Variants in BMP5 observed in about 807,000 individuals in gnomAD.
The protein encoded by BMP5 is bone morphogenetic protein 5.
BMP5 carries 23 observed loss-of-function variants against 46.6 expected under a neutral mutation model. That is an observed-to-expected ratio of 0.49 (90% CI 0.35 to 0.70). BMP5 has a LOEUF of 0.70. BMP5 is among the 30% of genes least tolerant of loss of function. The pLI, the probability that BMP5 is intolerant of heterozygous loss-of-function variation, is 0.00. For synonymous variants in BMP5, 204 were observed against 191.9 expected, an observed-to-expected ratio of 1.06 and a Z score of -0.52; for missense variants, 545 against 565.6, an observed-to-expected ratio of 0.96 and a Z score of 0.37.
At chr6:55,835,952 T>G (rs1311146813) in intron 1 of BMP5, among the ~76,000 whole-genome samples, 1 of 152,220 alleles carries the variant, frequency 6.6e-6, no homozygotes. Flanking sequence ...TCTATACCAC[T>G]GTATGTTTTC....
chr6:55,849,082 G>T (rs1777160940), intron 1 of BMP5, among the ~76,000 whole-genome samples: 1 of 151,960 alleles, frequency 6.6e-6, no homozygotes, highest in Non-Finnish European at 1.5e-5. Flanking sequence ...TAGCCTCATT[G>T]CATTTTTTTC....
chr6:55,805,580 C>T (rs1775968380), intron 2 of BMP5, among the ~76,000 whole-genome samples: 1 of 152,066 alleles, frequency 6.6e-6, no homozygotes, highest in African/African-American at 2.4e-5. Flanking sequence ...GGGTATATAT[C>T]CAGTAATGGG....
intron 3 of BMP5, 38 bp from the exon 4 acceptor site, chr6:55,774,281 G>T: frequency 1.3e-6 from 2 of 1,583,322 alleles, no homozygotes; most frequent in Non-Finnish European, 1.7e-6. Context: ...TTATGAAAAA[G>T]AAAGAACAAT....
intron 3 of BMP5, among the ~76,000 whole-genome samples, chr6:55,788,952 CT>C (rs917542173): frequency 1.3e-4 from 19 of 148,742 alleles, no homozygotes; most frequent in African/African-American, 3.2e-4. Context: ...CCTCTGAAAT[CT>C]TTTTTTTTTC....
At chr6:55,851,001 GTTTTGATCTAA>G in intron 1 of BMP5, among the ~76,000 whole-genome samples, 2 of 152,112 alleles carry the variant, frequency 1.3e-5, no homozygotes, top group African/African-American at 2.4e-5. Context: ...CAAAGTTACT[GTTTTGATCTAA>G]CAGACTGAAT....
intron 1 of BMP5, among the ~76,000 whole-genome samples, chr6:55,843,372 A>T (rs939512599): frequency 6.6e-6 from 1 of 152,080 alleles, no homozygotes; most frequent in East Asian, 1.9e-4. Flanking sequence ...CTACTTTAAG[A>T]TTAAGAATAC....
chr6:55,770,589 A>G (rs570360947), intron 4 of BMP5, among the ~76,000 whole-genome samples: 1 of 152,080 alleles, frequency 6.6e-6, no homozygotes, highest in East Asian at 1.9e-4. Context: ...ATTTTCTTCA[A>G]GTACTTTTCC....
chr6:55,777,260 C>T (rs1775197944), intron 3 of BMP5, among the ~76,000 whole-genome samples: 1 of 151,580 alleles, frequency 6.6e-6, no homozygotes, highest in South Asian at 2.1e-4. Flanking sequence ...CAGACTACAC[C>T]GTATGTATTA....
chr6:55,759,798 G>A (rs1390454461), intron 5 of BMP5, among the ~76,000 whole-genome samples: 1 of 151,844 alleles, frequency 6.6e-6, no homozygotes, highest in Non-Finnish European at 1.5e-5. Context: ...TGGCACAAAT[G>A]TAGGAATTAT....
rs1330952672 is a variant in BMP5, at chr6:55,874,601, T to G, written c.265A>C (p.Thr89Pro). Residue 89 changes from threonine (T) to proline (P), a missense_variant, in exon 1 of 7, where the codon ACC (threonine) becomes CCC (proline). Thr to Pro is a conservative substitution (Grantham distance 38, BLOSUM62 -1). Transcript: ENST00000370830. ...GACTCTTCAGGATTTTCTTCATTGG[T>G]CATGGCATTGTAGAGATCCAGCATA... ...LFMLDLYNAM[T>P]NEENPEESEY... 1 of 1,613,610 alleles carries G rather than the reference T, an allele frequency of 6.2e-7. No individual in the cohort carries two copies.
At chr6:55,760,409 T>C in intron 5 of BMP5, 48 bp downstream of exon 5, 2 of 1,529,816 alleles carry the variant, frequency 1.3e-6, no homozygotes, top group Non-Finnish European at 1.8e-6. Context: ...TATTAAGGAT[T>C]TATGATAATT....
chr6:55,810,149 A>G lies in BMP5; in HGVS notation c.683+9506T>C, dbSNP rs373103387. Among the ~76,000 whole-genome samples the G allele has an allele frequency of 5.1e-4, 78 of 152,268 alleles. No individual in the cohort carries two copies. The South Asian group carries it at 0.016, about 31-fold the overall frequency. On this transcript the variant is annotated intron_variant, in intron 2 of 6. Coordinates refer to ENST00000370830, the MANE Select transcript of BMP5 (RefSeq NM_021073.4). The stretch of plus-strand genomic sequence containing the variant: ...GGGCTAGAATTTGAATTGGGTTTCA[A>G]TTCAAATTGATCAATGTTTTCAAAT...
intron 1 of BMP5, among the ~76,000 whole-genome samples, chr6:55,869,175 G>C (rs1582134504): frequency 1.3e-5 from 2 of 152,122 alleles, no homozygotes; most frequent in Non-Finnish European, 2.9e-5. Context: ...CACATACTGA[G>C]ACAACCCCCT....
intron 1 of BMP5, among the ~76,000 whole-genome samples, chr6:55,852,324 C>A (rs1410884774): frequency 6.6e-6 from 1 of 151,950 alleles, no homozygotes; most frequent in Non-Finnish European, 1.5e-5. Flanking sequence ...TCAGTTAAGA[C>A]TTTCAGATTG....
Position 55,759,011 on chromosome 6 carries a change from C to G in BMP5, c.1209G>C (p.Gln403His). 3 of 1,599,228 alleles carry G rather than the reference C, an allele frequency of 1.9e-6. No individual in the cohort carries two copies. Among genetic ancestry groups the G allele is most frequent in the Non-Finnish European group, 2.6e-6 (3 of 1,167,310 alleles). The change falls in exon 6 of 7, where the codon CAG becomes CAC. Residue 403 changes from glutamine (Q) to histidine (H), a missense_variant. Coordinates refer to ENST00000370830, the MANE Select transcript of BMP5 (RefSeq NM_021073.4). ...HMNATNHAIV[Q>H]TLVHLMFPDH... ...CTTCAAAAACAAAGCTTACCAGAGT[C>G]TGAACTATAGCGTGGTTGGTGGCAT... is the stretch of plus-strand genomic sequence containing the variant.
intron 1 of BMP5, among the ~76,000 whole-genome samples, chr6:55,871,013 T>C (rs1316027171): frequency 6.6e-6 from 1 of 151,960 alleles, no homozygotes; most frequent in African/African-American, 2.4e-5. Flanking sequence ...CTAAAACATC[T>C]AGTGTTATGT....
rs557849841 is a variant in BMP5 at position 55,780,311 on chromosome 6, G to A, written c.833-6068C>T. Among the ~76,000 whole-genome samples, 8 of 151,322 alleles carry A rather than the reference G, an allele frequency of 5.3e-5. No homozygotes were observed. The South Asian group carries it at 1.7e-3, about 31-fold the overall frequency. ...CACTGATATGAACTATGAGTTGAGA[G>A]TTTTCTGTGGATAAGAAACGTGCTT... is the stretch of plus-strand genomic sequence containing the variant. On this transcript the variant is annotated intron_variant, in intron 3 of 6. Transcript: ENST00000370830.
intron 1 of BMP5, among the ~76,000 whole-genome samples, chr6:55,847,315 G>T (rs776460302): frequency 2.6e-5 from 4 of 151,860 alleles, no homozygotes; most frequent in Non-Finnish European, 5.9e-5. Context: ...TTCATTTTAT[G>T]CTGTTTGTAA....
intron 1 of BMP5, among the ~76,000 whole-genome samples, chr6:55,868,207 G>C (rs1229243519): frequency 6.6e-6 from 1 of 152,138 alleles, no homozygotes; most frequent in Non-Finnish European, 1.5e-5. Context: ...ATTTACATCT[G>C]TTGATCCTGA....
Sources: gnomAD v4.1 joint callset for allele counts (sites outside exome capture counted in the v4.1 genomes callset) on GRCh38, gnomAD v4.1.1 for gene constraint, MANE v1.5 for transcripts, NCBI Gene and HGNC (gene_info 2026-07-23, HGNC 2026-07-21) for gene names.